DYNC2H1: variants seen among roughly 807,000 people sequenced by gnomAD.
The protein encoded by DYNC2H1 is dynein cytoplasmic 2 heavy chain 1.
DYNC2H1 carries 410 observed loss-of-function variants against 570.0 expected under a neutral mutation model. That is an observed-to-expected ratio of 0.72 (90% confidence interval 0.66 to 0.78). DYNC2H1 has a LOEUF of 0.78. Ranked by LOEUF, DYNC2H1 falls within the 30% of genes least tolerant of loss-of-function variation. DYNC2H1 has a pLI of 0.00. For synonymous variants in DYNC2H1, 1,688 were observed against 1,677.6 expected, an observed-to-expected ratio of 1.01 and a Z score of -0.15; for missense variants, 4,865 against 5,046.4, an observed-to-expected ratio of 0.96 and a Z score of 1.09.
chr11:103,166,208 A>G (rs527634521), intron 31 of DYNC2H1, among the ~76,000 whole-genome samples, 160 bp downstream of exon 31: 3 of 152,294 alleles, frequency 2.0e-5, no homozygotes, highest in Admixed American at 2.0e-4. Context: ...TTGAATCAGT[A>G]ATTTACTAAT....
chr11:103,434,698 G>C (rs1487141211), intron 84 of DYNC2H1, among the ~76,000 whole-genome samples: 1 of 151,994 alleles, frequency 6.6e-6, no homozygotes, highest in African/African-American at 2.4e-5. Context: ...TTTATTTTTA[G>C]CTTAAAAGTG....
Position 103,185,505 on chromosome 11 carries a change from T to G in DYNC2H1, c.6633+454T>G, listed in dbSNP as rs1862028884. ...ATTACAGTCAAGTTGTTTATAAAGC[T>G]GAATTCTAAATAATAAGTGATTTTT... On this transcript the variant is annotated intron_variant, in intron 41 of 88. Coordinates refer to ENST00000375735, the MANE Select transcript of DYNC2H1 (RefSeq NM_001377.3). This position sits in a 1 kb window ranked among gnomAD's most constrained non-coding sequence, Gnocchi z 4.5. Among the ~76,000 whole-genome samples, 1 of 151,994 alleles carries G rather than the reference T, an allele frequency of 6.6e-6. No individual in the cohort carries two copies. The highest frequency in any genetic ancestry group is 2.4e-5 in the African/African-American group (1 of 41,444).
intron 53 of DYNC2H1, among the ~76,000 whole-genome samples, chr11:103,210,460 C>A (rs1369997161): frequency 6.6e-6 from 1 of 151,906 alleles, no homozygotes; most frequent in East Asian, 1.9e-4. Context: ...ATTTATTTAA[C>A]CATCTAATAA....
At chr11:103,411,571 T>C (rs932628104) in intron 84 of DYNC2H1, among the ~76,000 whole-genome samples, 5 of 152,052 alleles carry the variant, frequency 3.3e-5, no homozygotes, top group Non-Finnish European at 7.4e-5. Context: ...TTTAAATCAT[T>C]TTCTATGATT....
intron 67 of DYNC2H1, 52 bp downstream of exon 67, chr11:103,255,586 G>A: frequency 6.8e-7 from 1 of 1,478,190 alleles, no homozygotes; most frequent in Admixed American, 2.7e-5. Context: ...TTTTTTTAAT[G>A]AATACAAATA....
chr11:103,155,616 C>G, intron 25 of DYNC2H1, 115 bp downstream of exon 25: 1 of 1,015,438 alleles, frequency 9.8e-7, no homozygotes, highest in Non-Finnish European at 1.4e-6. Flanking sequence ...CAGCTTTCAT[C>G]AAAAAGTAAA....
At chr11:103,462,397 TTTC>T (rs10557330) in intron 87 of DYNC2H1, among the ~76,000 whole-genome samples, 36,179 of 147,414 alleles carry the variant, frequency 0.25, 4,513 homozygotes, top group African/African-American at 0.29. Context: ...CACGTGTTGT[TTTC>T]TTGTTTTTAG....
At chr11:103,399,527 C>G (rs1415455808) in intron 83 of DYNC2H1, 136 bp from the exon 84 acceptor site, 3 of 645,136 alleles carry the variant, frequency 4.7e-6, no homozygotes, top group Non-Finnish European at 7.7e-6. Context: ...ATACATTTGA[C>G]CGTTTATAAA....
Position 103,304,281 on chromosome 11 carries a change from A to G in DYNC2H1, c.11257-314A>G, listed in dbSNP as rs373365823. On this transcript the variant is annotated intron_variant, in intron 76 of 88. Transcript: ENST00000375735. ...TTTTGCACTAAGTCTAGAGAGTTCT[A>G]GTCAATCATAGTTAGAGTAGATTAG... 3.9e-5 allele frequency among the ~76,000 whole-genome samples: 6 copies of G among 152,116 alleles called. No homozygotes were observed. The East Asian group carries it at 5.8e-4, about 15-fold the overall frequency.
intron 80 of DYNC2H1, among the ~76,000 whole-genome samples, chr11:103,317,031 A>C (rs1937886217): frequency 6.6e-6 from 1 of 152,168 alleles, no homozygotes; most frequent in Non-Finnish European, 1.5e-5. Flanking sequence ...GAAACACAGC[A>C]GCAAATAAAG....
intron 36 of DYNC2H1, 149 bp from the exon 37 acceptor site, chr11:103,176,086 G>A (rs902373970): frequency 7.6e-6 from 4 of 524,426 alleles, no homozygotes; most frequent in Non-Finnish European, 1.2e-5. Context: ...AAGTAAGCTT[G>A]CCAATTCATG....
At chr11:103,152,644 T>C (rs1381302385) in intron 21 of DYNC2H1, among the ~76,000 whole-genome samples, 1 of 152,168 alleles carries the variant, frequency 6.6e-6, no homozygotes, top group African/African-American at 2.4e-5. Context: ...ACCCCAAAAA[T>C]TGTAGCTTAT....
rs1867427548 is a variant in DYNC2H1, at chr11:103,308,838, A to AT, written c.11493+1013dup. 2.0e-5 allele frequency among the ~76,000 whole-genome samples: 3 copies of AT among 152,062 alleles called. 1 individual carries two copies. In the South Asian group the frequency reaches 6.2e-4, roughly 32 times the overall value. ...CTTTGCCTACTTTTAAAATTATTTA[A>AT]TTTTTTGCTGTTGAGTTGTATTAAT... On this transcript the variant is annotated intron_variant, in intron 78 of 88. Coordinates refer to ENST00000375735, the MANE Select transcript of DYNC2H1 (RefSeq NM_001377.3).
intron 4 of DYNC2H1, 32 bp downstream of exon 4, chr11:103,115,327 C>A: frequency 7.0e-7 from 1 of 1,435,840 alleles, no homozygotes; most frequent in Non-Finnish European, 9.4e-7. Flanking sequence ...ATATATTGGG[C>A]TTCTTATAAA....
chr11:103,415,295 G>T (rs1943243014), intron 84 of DYNC2H1, among the ~76,000 whole-genome samples: 1 of 152,162 alleles, frequency 6.6e-6, no homozygotes, highest in Admixed American at 6.5e-5. Context: ...GCAATGGCAT[G>T]CAACAAAAGC....
At chr11:103,169,513 G>A (rs1861482011) in intron 32 of DYNC2H1, among the ~76,000 whole-genome samples, 1 of 152,018 alleles carries the variant, frequency 6.6e-6, no homozygotes, top group African/African-American at 2.4e-5. Flanking sequence ...TGTTAGGAGA[G>A]CTGCCAAATG....
intron 84 of DYNC2H1, among the ~76,000 whole-genome samples, chr11:103,427,626 A>G (rs2135732429): frequency 6.6e-6 from 1 of 152,222 alleles, no homozygotes; most frequent in African/African-American, 2.4e-5. Context: ...GTATCTGATA[A>G]AAGTTTACAG....
At position 103,427,523 on chromosome 11, in the gene DYNC2H1, A is replaced by G. The variant is rs542629520; in HGVS notation, c.12367-8420A>G. On this transcript the variant is annotated intron_variant, in intron 84 of 88. Coordinates refer to ENST00000375735, the MANE Select transcript of DYNC2H1 (RefSeq NM_001377.3). ...ACTGTCTTAGACAAATTGTCACAAC[A>G]AAATACTGTAGACTAGGTAGCTTAA... Among the ~76,000 whole-genome samples, 7 of 152,290 alleles carry G rather than the reference A, an allele frequency of 4.6e-5. No individual in the cohort carries two copies. In the East Asian group the frequency reaches 1.3e-3, roughly 29 times the overall value.
At chr11:103,463,773 A>C (rs1426283125) in intron 87 of DYNC2H1, among the ~76,000 whole-genome samples, 1 of 152,138 alleles carries the variant, frequency 6.6e-6, no homozygotes, top group Non-Finnish European at 1.5e-5. Context: ...CAAACAAAAT[A>C]AAGCTGTTGC....
Sources: gnomAD v4.1 joint callset for allele counts (sites outside exome capture counted in the v4.1 genomes callset) on GRCh38, gnomAD v4.1.1 for gene constraint, Gnocchi (gnomAD v3.1) non-coding constraint, MANE v1.5 for transcripts, NCBI Gene and HGNC (gene_info 2026-07-23, HGNC 2026-07-21) for gene names.